The following ANK2 variants were observed in gnomAD, a reference collection of about 807,000 sequenced individuals.
ANK2 encodes the protein ankyrin 2, also known as ankyrin-2.
ANK2 carries 83 observed loss-of-function variants against 360.5 expected under a neutral mutation model. The ratio of observed to expected loss-of-function variants is 0.23; its 90% CI spans 0.19 to 0.28. The LOEUF (loss-of-function observed/expected upper bound fraction) is 0.28, where lower values mean the gene tolerates loss of function less well. ANK2 is among the 10% of genes least tolerant of loss of function. The pLI is 1.00. For missense variants in ANK2, 4,201 were observed against 4,795.7 expected (o/e 0.88, Z 3.66); for synonymous variants, 1,740 against 1,759.5 (o/e 0.99, Z 0.28).
intron 2 of ANK2, among the ~76,000 whole-genome samples, chr4:112,929,920 C>T (rs907275923): frequency 3.9e-5 from 6 of 152,116 alleles, no homozygotes; most frequent in Non-Finnish European, 5.9e-5. Context: ...GCCCAGGTTA[C>T]GAGTAGACAT....
At chr4:113,184,391 T>G (rs2098474364) in intron 2 of ANK2, among the ~76,000 whole-genome samples, 1 of 152,036 alleles carries the variant, frequency 6.6e-6, no homozygotes, top group Admixed American at 6.6e-5. Context: ...TGTGACTTTG[T>G]GGAAACTATC....
intron 2 of ANK2, among the ~76,000 whole-genome samples, chr4:112,981,293 G>C (rs760531498): frequency 1.1e-4 from 17 of 152,224 alleles, no homozygotes; most frequent in Non-Finnish European, 1.9e-4. Flanking sequence ...TGTTTGAATT[G>C]GTAGGCAATG....
chr4:113,156,743 G>A (rs7679748), intron 1 of ANK2, among the ~76,000 whole-genome samples: 103,298 of 150,902 alleles, frequency 0.68, 35,935 homozygotes, highest in African/African-American at 0.8. Context: ...GTTGCTAACC[G>A]TAATTTTGTT....
chr4:113,160,187 G>C lies in ANK2; in HGVS notation c.85-14229G>C, dbSNP rs141074585. ...TAACCCTTAGAAAGAGTTCAGCATT[G>C]TTTGATTTTATTGTGGATATTTGAT... is the stretch of plus-strand genomic sequence containing the variant. On this transcript the variant is annotated intron_variant, in intron 1 of 45. Coordinates refer to ENST00000357077, the MANE Select transcript of ANK2 (RefSeq NM_001148.6). Among the ~76,000 whole-genome samples, 413 of 152,088 alleles carry C rather than the reference G, an allele frequency of 2.7e-3. 1 individual carries two copies. The highest frequency in any genetic ancestry group is 5.1e-3 in the Non-Finnish European group (346 of 68,000).
chr4:112,712,402 ATATATTT>A, the ANK2 span, among the ~76,000 whole-genome samples: 205 of 72,248 alleles, frequency 2.8e-3, no homozygotes, highest in South Asian at 4.8e-3. Context: ...ATATATATAT[ATATATTT>A]TTTTTTTTTT....
At position 113,373,232 on chromosome 4, in the gene ANK2, A is replaced by G. The variant is rs371687973; in HGVS notation, c.11695-53A>G. On this transcript the variant is annotated intron_variant, in intron 44 of 45. Transcript: ENST00000357077. The stretch of plus-strand genomic sequence containing the variant: ...CAAACTTCCTGTTTAAAATTTATCA[A>G]TTCCATGGTACTGTCACACAAAAAT... The G allele has an allele frequency of 1.7e-4, 279 of 1,613,060 alleles. 1 individual carries two copies. Among genetic ancestry groups the G allele is most frequent in the East Asian group, 3.6e-4 (16 of 44,854 alleles).
intron 2 of ANK2, among the ~76,000 whole-genome samples, chr4:113,044,222 A>G (rs954495625): frequency 2.0e-5 from 3 of 152,162 alleles, no homozygotes; most frequent in Admixed American, 1.3e-4. Flanking sequence ...CTTGTGTCCT[A>G]TGAGGTTTAA....
chr4:112,946,119 A>G (rs2094527423), intron 2 of ANK2, among the ~76,000 whole-genome samples: 1 of 152,198 alleles, frequency 6.6e-6, no homozygotes, highest in Non-Finnish European at 1.5e-5. Flanking sequence ...CCAGAAACTC[A>G]GTTGCCTTTC....
chr4:113,268,041 CCTCT>C (rs759365510), intron 14 of ANK2, among the ~76,000 whole-genome samples: 2 of 151,968 alleles, frequency 1.3e-5, no homozygotes, highest in Non-Finnish European at 2.9e-5. Flanking sequence ...TCATAATTTG[CCTCT>C]CTGTTTGTCT....
intron 1 of ANK2, among the ~76,000 whole-genome samples, chr4:113,118,391 T>G (rs1356232421): frequency 6.6e-6 from 1 of 152,238 alleles, no homozygotes; most frequent in Non-Finnish European, 1.5e-5. Context: ...ATAATCCATA[T>G]GCTCAATGGA....
intron 2 of ANK2, among the ~76,000 whole-genome samples, chr4:112,991,253 A>AAAG (rs957919379): frequency 1.2e-4 from 18 of 151,530 alleles, no homozygotes; most frequent in Non-Finnish European, 2.5e-4. Context: ...AAAAAAAAAA[A>AAAG]ATCAAGAACC....
In ANK2 at chr4:113,364,911, A is replaced by T. The variant is rs534843301; in HGVS notation, c.10889-128A>T. The T allele has an allele frequency of 2.4e-6, 3 of 1,235,016 alleles. No homozygotes were observed. In the South Asian group the frequency reaches 3.9e-5, roughly 16 times the overall value. The allele number at this position is 1,235,016 out of a possible 1,614,324, so 76.5% of individuals were successfully genotyped here. On this transcript the variant is annotated intron_variant, in intron 40 of 45. Coordinates refer to ENST00000357077, the MANE Select transcript of ANK2 (RefSeq NM_001148.6). ...TTTGTCTGTTGGCTTATTTTTACAA[A>T]GACTTTTAATTAGGCTTTGATTGTT...
At chr4:113,288,546 C>T in intron 20 of ANK2, 60 bp downstream of exon 20, 1 of 1,385,752 alleles carries the variant, frequency 7.2e-7, no homozygotes, top group Non-Finnish European at 1.0e-6. Flanking sequence ...CATCTGGATG[C>T]TTCACTAGTT....
At chr4:113,122,678 T>C (rs939129105) in intron 1 of ANK2, among the ~76,000 whole-genome samples, 2 of 152,132 alleles carry the variant, frequency 1.3e-5, no homozygotes, top group Non-Finnish European at 2.9e-5. Context: ...TGGTTTGCTC[T>C]TCCCATTTTG....
chr4:112,715,975 T>A, the ANK2 span, among the ~76,000 whole-genome samples: 18 of 152,366 alleles, frequency 1.2e-4, no homozygotes, highest in East Asian at 3.3e-3. Context: ...TACATTTTGC[T>A]TGATACCTGG....
the ANK2 span, among the ~76,000 whole-genome samples, chr4:112,737,605 T>G: frequency 6.6e-6 from 1 of 152,230 alleles, no homozygotes; most frequent in Non-Finnish European, 1.5e-5. Context: ...AGGTGGCCTA[T>G]TCACATGACT....
In ANK2 at chr4:113,355,713, T is replaced by C. The variant is rs768511122; in HGVS notation, c.7095T>C (p.Thr2365=). 4 of 1,613,932 alleles carry C rather than the reference T, an allele frequency of 2.5e-6. No homozygotes were observed. Among genetic ancestry groups the C allele is most frequent in the East Asian group, 4.5e-5 (2 of 44,886 alleles). The change falls in exon 38 of 46, where the codon ACT becomes ACC. Residue 2365 remains threonine (T), a synonymous_variant. Coordinates refer to ENST00000357077, the MANE Select transcript of ANK2 (RefSeq NM_001148.6). ...TFGSSAHKTQ[T]DSEVQESTAT... ...GTAGTTCAGCCCACAAGACACAAAC[T>C]GATAGTGAGGTTCAAGAATCCACAG... is the stretch of plus-strand genomic sequence containing the variant.
Position 112,847,504 on chromosome 4 carries a change from C to T in ANK2, c.-40+29240C>T, listed in dbSNP as rs2063597780. Among the ~76,000 whole-genome samples, 9 of 152,120 alleles carry T rather than the reference C, an allele frequency of 5.9e-5. No individual in the cohort carries two copies. The South Asian group carries it at 1.9e-3, about 32-fold the overall frequency. ...CTATCTTGTATTATTTCAGAAGCCT[C>T]CTAACTGGTCTTCAGCGCAAAAATT... On this transcript the variant is annotated intron_variant, in intron 1 of 30. Transcript: ENST00000503271.
chr4:112,818,399 C>T (rs2149491544), intron 1 of ANK2: 1 of 152,352 alleles, frequency 6.6e-6, no homozygotes, highest in South Asian at 2.1e-4. Flanking sequence ...CTTTCCATGC[C>T]ATTCTGGAGT....
Sources: gnomAD v4.1 joint callset for allele counts (sites outside exome capture counted in the v4.1 genomes callset) on GRCh38, gnomAD v4.1.1 for gene constraint, MANE v1.5 for transcripts, NCBI Gene and HGNC (gene_info 2026-07-23, HGNC 2026-07-21) for gene names.